Variants in USP53 observed in about 807,000 individuals in gnomAD.
USP53 encodes ubiquitin carboxyl-terminal hydrolase 53.
In USP53, 71 loss-of-function variants were observed where a neutral mutation model predicts 94.9. The ratio of observed to expected loss-of-function variants is 0.75; its 90% confidence interval spans 0.62 to 0.91. The LOEUF (loss-of-function observed/expected upper bound fraction) is 0.91. USP53 is among the 40% of genes least tolerant of loss of function. The pLI is 0.00. For synonymous variants in USP53, 375 were observed against 422.7 expected (o/e 0.89, Z 1.39); for missense variants, 1,173 against 1,281.0 (o/e 0.92, Z 1.29).
At chr4:119,217,059 T>TA (rs202040916) in intron 2 of USP53, among the ~76,000 whole-genome samples, 1,961 of 152,328 alleles carry the variant, frequency 0.013, 18 homozygotes, top group Non-Finnish European at 0.02. Flanking sequence ...GATAGATTTT[T>TA]AATGATTGAG....
chr4:119,271,519 C>A lies in USP53; in HGVS notation c.1659C>A (p.Asp553Glu), dbSNP rs1751855765. 1.2e-6 allele frequency: 2 copies of A among 1,613,480 alleles called. No individual in the cohort carries two copies. Among genetic ancestry groups the A allele is most frequent in the Non-Finnish European group, 1.7e-6 (2 of 1,179,966 alleles). ...GEKITGKVKS[D>E]NGTGYDTDSS... ...AAATAACTGGCAAAGTTAAGAGTGA[C>A]AATGGCACTGGATATGACACAGACA... The change falls in exon 16 of 19, where the codon GAC (aspartate) becomes GAA (glutamate). Residue 553 changes from aspartate (D) to glutamate (E), a missense_variant. Physicochemically the swap from Asp to Glu is conservative, Grantham distance 45. Coordinates refer to ENST00000692078, the MANE Select transcript of USP53 (RefSeq NM_001371395.1).
chr4:119,273,611 AGT>A lies in USP53; in HGVS notation c.2175-16_2175-15del. 1 of 1,594,494 alleles carries A rather than the reference AGT, an allele frequency of 6.3e-7. No homozygotes were observed. Among genetic ancestry groups the A allele is most frequent in the Non-Finnish European group, 8.6e-7 (1 of 1,163,844 alleles). The stretch of plus-strand genomic sequence containing the variant: ...GCAGTCCATAATACCTGATGTGTTT[AGT>A]GTGTATTTTATTTTCTAGTGACCAG... On this transcript the variant is annotated intron_variant, in intron 16 of 18. Transcript: ENST00000692078.
At chr4:119,230,224 C>T (rs1180175272) in intron 3 of USP53, among the ~76,000 whole-genome samples, 1 of 152,162 alleles carries the variant, frequency 6.6e-6, no homozygotes, top group African/African-American at 2.4e-5. Context: ...TACATATATA[C>T]ACCTCCTTGC....
At position 119,293,011 on chromosome 4, in the gene USP53, C is replaced by T; in HGVS notation, c.3022C>T (p.Gln1008Ter). ...CPSSSSTNDFQANSGAIDAFC... is the reference protein window; with the variant it reads ...CPSSSSTNDF ...ATCCAGCTCCTCAACTAACGATTTT[C>T]AGGCAAACTCAGGTGCCATTGATGC... Residue 1008 changes from glutamine (Q) to a stop codon, truncating the protein, a stop_gained, in exon 19 of 19, where the codon CAG becomes TAG. Coordinates refer to ENST00000692078, the MANE Select transcript of USP53 (RefSeq NM_001371395.1). LOFTEE classifies it high-confidence loss of function. 1 of 1,614,136 alleles carries T rather than the reference C, an allele frequency of 6.2e-7. No individual in the cohort carries two copies. Among genetic ancestry groups the T allele is most frequent in the Non-Finnish European group, 8.5e-7 (1 of 1,179,974 alleles).
At chr4:119,289,483 A>C (rs952929942) in intron 17 of USP53, among the ~76,000 whole-genome samples, 12 of 152,246 alleles carry the variant, frequency 7.9e-5, no homozygotes, top group African/African-American at 2.7e-4. Flanking sequence ...CCCGGGGTCC[A>C]AGGCCACACT....
chr4:119,274,168 T>C (rs984760518), intron 17 of USP53, among the ~76,000 whole-genome samples: 4 of 151,782 alleles, frequency 2.6e-5, no homozygotes, highest in African/African-American at 9.7e-5. Flanking sequence ...TACATATGTA[T>C]ACATGTGCCA....
intron 12 of USP53, among the ~76,000 whole-genome samples, chr4:119,266,849 A>G (rs1751191294): frequency 6.6e-6 from 1 of 151,458 alleles, no homozygotes; most frequent in South Asian, 2.1e-4. Flanking sequence ...GGTTGCAAAG[A>G]TTTTCTCTTT....
chr4:119,288,046 G>T (rs1043867788), intron 17 of USP53, among the ~76,000 whole-genome samples: 1 of 152,114 alleles, frequency 6.6e-6, no homozygotes, highest in African/African-American at 2.4e-5. Context: ...AAACTTTTGG[G>T]CCTCAGATAT....
chr4:119,230,269 C>T (rs564347166), intron 3 of USP53, among the ~76,000 whole-genome samples: 1 of 152,298 alleles, frequency 6.6e-6, no homozygotes, highest in South Asian at 2.1e-4. Flanking sequence ...TGTTTTCACA[C>T]ATACATTGTT....
In USP53 at chr4:119,271,862, G is replaced by A. The variant is rs61730004; in HGVS notation, c.2002G>A (p.Gly668Ser). ...SNGKGAEKNKGLVEGKVHGDN... is the reference protein window; with the variant it reads ...SNGKGAEKNKSLVEGKVHGDN... Reference sequence around the variant, plus strand: ...TGGAAAAGGAGCAGAGAAAAATAAAGGCCTTGTAGAGGGTAAAGTGCATGG... The same window carrying A: ...TGGAAAAGGAGCAGAGAAAAATAAAAGCCTTGTAGAGGGTAAAGTGCATGG... Residue 668 changes from glycine to serine, a missense_variant, in exon 16 of 19, where the codon GGC (glycine) becomes AGC (serine). Physicochemically the swap from Gly to Ser is moderately conservative, Grantham distance 56 (BLOSUM62 0). Transcript: ENST00000692078. The A allele has an allele frequency of 3.9e-4, 627 of 1,613,548 alleles. 1 individual carries two copies. The African/African-American group carries it at 7.1e-3, about 18-fold the overall frequency.
chr4:119,266,153 C>T, intron 12 of USP53: 1 of 405,518 alleles, frequency 2.5e-6, no homozygotes, highest in South Asian at 1.9e-5. Context: ...GCCTCCCTTC[C>T]TTTAGCATAA....
intron 17 of USP53, among the ~76,000 whole-genome samples, chr4:119,280,224 A>G (rs1753349978): frequency 6.6e-6 from 1 of 150,722 alleles, no homozygotes; most frequent in Non-Finnish European, 1.5e-5. Flanking sequence ...AAGTCTTTCA[A>G]TGTTTTTTTT....
chr4:119,249,944 G>A (rs1748749693), intron 7 of USP53, among the ~76,000 whole-genome samples: 2 of 152,094 alleles, frequency 1.3e-5, no homozygotes, highest in African/African-American at 4.8e-5. Flanking sequence ...GATTACAGGC[G>A]TGAGCCACTG....
At position 119,248,790 on chromosome 4, in the gene USP53, C is replaced by G. The variant is rs772606705; in HGVS notation, c.280C>G (p.Pro94Ala). 2.7e-5 allele frequency: 43 copies of G among 1,614,034 alleles called. 1 individual carries two copies. The Middle Eastern group carries it at 8.3e-4, about 31-fold the overall frequency. ...CCAACACAGTCGAGAAAAAGCACTTCCCTCAGATAACATAAGGCATGCTCT... is the reference window on the plus strand; with the variant it reads ...CCAACACAGTCGAGAAAAAGCACTTGCCTCAGATAACATAAGGCATGCTCT... ...QFQHSREKAL[P>A]SDNIRHALAE... Residue 94 changes from proline to alanine, a missense_variant, in exon 7 of 19, where the codon CCC (proline) becomes GCC (alanine). Pro to Ala is a conservative substitution (Grantham distance 27). Transcript: ENST00000692078.
At chr4:119,288,673 A>G (rs1302407988) in intron 17 of USP53, among the ~76,000 whole-genome samples, 1 of 152,156 alleles carries the variant, frequency 6.6e-6, no homozygotes, top group African/African-American at 2.4e-5. Flanking sequence ...ACGGTGGCTG[A>G]CACCTGTAAT....
chr4:119,281,428 G>T (rs1057410459), intron 17 of USP53, among the ~76,000 whole-genome samples: 1 of 152,246 alleles, frequency 6.6e-6, no homozygotes. Context: ...TCAGTTTGCA[G>T]ACAAAGAATG....
At chr4:119,261,221 A>C (rs373066815) in intron 11 of USP53, among the ~76,000 whole-genome samples, 310 of 152,184 alleles carry the variant, frequency 2.0e-3, no homozygotes, top group African/African-American at 7.2e-3. Context: ...TTGGCTTCCC[A>C]AAGTGCTGGG....
At position 119,212,750 on chromosome 4, in the gene USP53, TGTGTCTGGCGG is replaced by T. The variant is rs1028465919; in HGVS notation, c.-1059_-1049del. The T allele has an allele frequency of 9.3e-6, 3 of 323,420 alleles. No individual in the cohort carries two copies. In the Admixed American group the frequency reaches 1.2e-4, roughly 13 times the overall value. The allele number at this position is 323,420 out of a possible 1,614,324, so 20.0% of individuals were successfully genotyped here. ...GCCTCGGTACTGTGGCAGCAGTCAG[TGTGTCTGGCGG>T]GTGTCGGCGTGAAGCGGGGCTGGGC... is the stretch of plus-strand genomic sequence containing the variant. On this transcript the variant is annotated 5_prime_UTR_variant, in exon 1 of 19. Transcript: ENST00000692078.
At position 119,267,228 on chromosome 4, in the gene USP53, A is replaced by T. The variant is rs552790270; in HGVS notation, c.973-92A>T. 10 of 1,283,640 alleles carry T rather than the reference A, an allele frequency of 7.8e-6. No individual in the cohort carries two copies. The Admixed American group carries it at 2.1e-4, about 27-fold the overall frequency. 79.5% of individuals were successfully genotyped at this position (1,283,640 alleles called of 1,614,324 possible). On this transcript the variant is annotated intron_variant, in intron 12 of 18. Coordinates refer to ENST00000692078, the MANE Select transcript of USP53 (RefSeq NM_001371395.1). ...TAGCAGCTGCATATCTAAATTTTTTAAAAATATAAAGTAACTCAGAGTCTG... is the reference window on the plus strand; with the variant it reads ...TAGCAGCTGCATATCTAAATTTTTTTAAAATATAAAGTAACTCAGAGTCTG...
Sources: allele counts gnomAD v4.1 joint callset (sites outside exome capture counted in the v4.1 genomes callset), GRCh38; gene constraint gnomAD v4.1.1; transcripts MANE v1.5; gene names NCBI Gene and HGNC (gene_info 2026-07-23, HGNC 2026-07-21).